The following SHISA6 variants were observed in gnomAD, a reference collection of about 807,000 sequenced individuals.
SHISA6 encodes the protein shisa family member 6.
Under a neutral mutation model 47.9 loss-of-function variants are expected in SHISA6, and 22 were observed. The ratio of observed to expected loss-of-function variants is 0.46; its 90% CI spans 0.33 to 0.66. The LOEUF (loss-of-function observed/expected upper bound fraction) is 0.66, where lower values mean the gene tolerates loss of function less well. SHISA6 is among the 30% of genes least tolerant of loss of function. The pLI is 0.02. For missense variants in SHISA6, 680 were observed against 764.6 expected (o/e 0.89, Z 1.30); for synonymous variants, 388 against 337.8 (o/e 1.15, Z -1.63).
intron 3 of SHISA6, among the ~76,000 whole-genome samples, chr17:11,383,173 G>A (rs999202439): frequency 1.3e-5 from 2 of 151,982 alleles, no homozygotes; most frequent in African/African-American, 4.8e-5. Flanking sequence ...CCTGACCTCA[G>A]GTGATCTGCC....
intron 1 of SHISA6, among the ~76,000 whole-genome samples, chr17:11,243,679 G>A (rs780194398): frequency 2.0e-5 from 3 of 152,184 alleles, no homozygotes; most frequent in Non-Finnish European, 4.4e-5. Flanking sequence ...GGAATTGCCC[G>A]TGGGCAGGTG....
At chr17:11,489,763 T>C (rs1416018454) in intron 3 of SHISA6, among the ~76,000 whole-genome samples, 1 of 152,170 alleles carries the variant, frequency 6.6e-6, no homozygotes, top group Non-Finnish European at 1.5e-5. Context: ...TGTATGAAGA[T>C]GTTTTTGATC....
intron 3 of SHISA6, among the ~76,000 whole-genome samples, chr17:11,457,751 A>C (rs919726542): frequency 7.7e-4 from 114 of 147,830 alleles, no homozygotes; most frequent in African/African-American, 2.6e-3. Context: ...AAAAAAAAAA[A>C]AAAAAGACAG....
At chr17:11,264,479 A>G (rs981548001) in intron 2 of SHISA6, among the ~76,000 whole-genome samples, 1 of 152,242 alleles carries the variant, frequency 6.6e-6, no homozygotes, top group South Asian at 2.1e-4. Flanking sequence ...AATCCAAAAT[A>G]TCTGAGTGGA....
chr17:11,353,823 A>G (rs937312977), intron 2 of SHISA6, among the ~76,000 whole-genome samples: 1 of 152,212 alleles, frequency 6.6e-6, no homozygotes, highest in African/African-American at 2.4e-5. Flanking sequence ...ATGCTGGAAG[A>G]AGACATCTGT....
chr17:11,505,921 T>C (rs17774110), intron 3 of SHISA6, among the ~76,000 whole-genome samples: 9,608 of 152,152 alleles, frequency 0.063, 328 homozygotes, highest in Middle Eastern at 0.099. Flanking sequence ...ACGATGCGTA[T>C]TGGAATAGCA....
At chr17:11,274,196 G>A (rs1908789376) in intron 2 of SHISA6, among the ~76,000 whole-genome samples, 1 of 152,208 alleles carries the variant, frequency 6.6e-6, no homozygotes, top group Non-Finnish European at 1.5e-5. Flanking sequence ...TGGGGACAGA[G>A]AGAGCCTACT....
intron 2 of SHISA6, among the ~76,000 whole-genome samples, chr17:11,294,419 G>A (rs911306661): frequency 6.6e-6 from 1 of 152,118 alleles, no homozygotes; most frequent in African/African-American, 2.4e-5. Flanking sequence ...TCCACCCCAG[G>A]CCTTTGGCAG....
intron 2 of SHISA6, among the ~76,000 whole-genome samples, chr17:11,353,650 A>G (rs1911977344): frequency 6.6e-6 from 1 of 152,160 alleles, no homozygotes; most frequent in South Asian, 2.1e-4. Context: ...GCCCGTAGCC[A>G]CAAGGACCCT....
intron 3 of SHISA6, among the ~76,000 whole-genome samples, chr17:11,448,388 C>G (rs1915293578): frequency 6.9e-6 from 1 of 145,226 alleles, no homozygotes; most frequent in Non-Finnish European, 1.5e-5. Context: ...ATTAGCCGGG[C>G]GTGGTGGTGG....
intron 1 of SHISA6, among the ~76,000 whole-genome samples, chr17:11,256,022 TA>T (rs1257511630): frequency 1.4e-4 from 22 of 152,354 alleles, no homozygotes; most frequent in African/African-American, 5.3e-4. Flanking sequence ...ATTTTGGTCT[TA>T]TTTTTTCAAC....
At chr17:11,449,472 A>G (rs1915325101) in intron 3 of SHISA6, among the ~76,000 whole-genome samples, 1 of 152,110 alleles carries the variant, frequency 6.6e-6, no homozygotes, top group African/African-American at 2.4e-5. Flanking sequence ...GAAAAAAAAG[A>G]AAAAAATTGA....
chr17:11,262,796 A>G (rs1908281414), intron 1 of SHISA6, among the ~76,000 whole-genome samples: 1 of 152,134 alleles, frequency 6.6e-6, no homozygotes, highest in South Asian at 2.1e-4. Context: ...AGTTGTCTTC[A>G]ATGTCTGCAC....
In SHISA6 at chr17:11,561,477, G is replaced by A. The variant is rs1287198468; in HGVS notation, c.*3173G>A. Reference sequence around the variant, plus strand: ...TGCCTTCCTGTGTCAAAAAGGCTTTGCCAAGAATTACTTCACCTCCTAACC... The same window carrying A: ...TGCCTTCCTGTGTCAAAAAGGCTTTACCAAGAATTACTTCACCTCCTAACC... On this transcript the variant is annotated 3_prime_UTR_variant, in exon 6 of 6. Coordinates refer to ENST00000441885, the MANE Select transcript of SHISA6 (RefSeq NM_207386.4). 2.6e-5 allele frequency: 4 copies of A among 152,398 alleles called. No individual in the cohort carries two copies. Among genetic ancestry groups the A allele is most frequent in the African/African-American group, 9.7e-5 (4 of 41,426 alleles). The allele number at this position is 152,398 out of a possible 1,614,324, so 9.4% of individuals were successfully genotyped here.
chr17:11,469,018 C>CAAAAAAA (rs61191316), intron 3 of SHISA6, among the ~76,000 whole-genome samples: 20 of 46,076 alleles, frequency 4.3e-4, no homozygotes, highest in African/African-American at 5.6e-4. Context: ...GACTCCGTCT[C>CAAAAAAA]AAAAAAAAAA....
chr17:11,320,403 T>C (rs1910672860), intron 2 of SHISA6, among the ~76,000 whole-genome samples: 1 of 152,066 alleles, frequency 6.6e-6, no homozygotes, highest in African/African-American at 2.4e-5. Flanking sequence ...CTCATGCCTG[T>C]AATCCCAGCA....
At chr17:11,317,587 G>T (rs117653261) in intron 2 of SHISA6, among the ~76,000 whole-genome samples, 1 of 151,596 alleles carries the variant, frequency 6.6e-6, no homozygotes, top group Non-Finnish European at 1.5e-5. Context: ...TTTCACAACC[G>T]CAGTTTAAAT....
At chr17:11,456,808 A>C (rs1038007472) in intron 3 of SHISA6, among the ~76,000 whole-genome samples, 9 of 152,154 alleles carry the variant, frequency 5.9e-5, no homozygotes, top group East Asian at 3.9e-4. Context: ...TCAAGCAAGA[A>C]AAACTCCCCA....
At chr17:11,309,494 A>G (rs1461454604) in intron 2 of SHISA6, among the ~76,000 whole-genome samples, 1 of 152,178 alleles carries the variant, frequency 6.6e-6, no homozygotes, top group Non-Finnish European at 1.5e-5. Context: ...TAACCTGAGA[A>G]CCTGGATTGG....
Sources: gnomAD v4.1 joint callset for allele counts (sites outside exome capture counted in the v4.1 genomes callset) on GRCh38, gnomAD v4.1.1 for gene constraint, MANE v1.5 for transcripts, NCBI Gene and HGNC (gene_info 2026-07-23, HGNC 2026-07-21) for gene names.